The following MUC6 variants were observed in gnomAD, a reference collection of about 807,000 sequenced individuals.
MUC6 encodes the protein mucin 6, oligomeric mucus/gel-forming (gene/pseudogene), also known as mucin-6.
In MUC6, 188 loss-of-function variants were observed where a neutral mutation model predicts 201.5. The ratio of observed to expected loss-of-function variants is 0.93; its 90% CI spans 0.83 to 1.05. The LOEUF (loss-of-function observed/expected upper bound fraction) is 1.05. Among genes scored for constraint, MUC6 ranks in the 50% least tolerant of loss-of-function variants. The pLI, the probability that MUC6 is intolerant of heterozygous loss-of-function variation, is 0.00. For missense variants in MUC6, 2,706 were observed against 3,256.9 expected, an observed-to-expected ratio of 0.83 and a Z score of 4.12; for synonymous variants, 1,228 against 1,389.4, an observed-to-expected ratio of 0.88 and a Z score of 2.58.
intron 31 of MUC6, 118 bp downstream of exon 31, chr11:1,015,644 G>C: frequency 2.8e-6 from 4 of 1,433,600 alleles, no homozygotes; most frequent in Non-Finnish European, 3.7e-6. Context: ...GGAAGGCAGG[G>C]AACAGGCGTG....
At position 1,016,477 on chromosome 11, in the gene MUC6, G is replaced by A; in HGVS notation, c.6324C>T (p.Thr2108=). Residue 2108 remains threonine, a synonymous_variant, in exon 31 of 33, where the codon ACC becomes ACT. Transcript: ENST00000421673. ...SSSRPPSSPI[T]TQLPHLSSAT... is the part of the protein sequence containing the mutation. ...CAGAACTCAAGTGGGGGAGTTGTGTGGTGATAGGTGATGACGGTGGCCTTG... is the reference window on the plus strand; with the variant it reads ...CAGAACTCAAGTGGGGGAGTTGTGTAGTGATAGGTGATGACGGTGGCCTTG... 2 of 1,613,852 alleles carry A rather than the reference G, an allele frequency of 1.2e-6. No homozygotes were observed. The highest frequency in any genetic ancestry group is 2.2e-5 in the South Asian group (2 of 91,070).
chr11:1,034,143 G>A (rs576721768), intron 1 of MUC6, among the ~76,000 whole-genome samples: 1 of 152,296 alleles, frequency 6.6e-6, no homozygotes, highest in Non-Finnish European at 1.5e-5. Context: ...GGAGGAGCCA[G>A]GCTGCCTGCC....
intron 20 of MUC6, 22 bp downstream of exon 20, chr11:1,026,305 C>A: frequency 6.4e-7 from 1 of 1,559,654 alleles, no homozygotes; most frequent in Non-Finnish European, 8.7e-7. Flanking sequence ...CCCAGGGCGT[C>A]TGAAGCGAGG....
At chr11:1,023,743 G>A (rs1161152352) in intron 25 of MUC6, 91 bp from the exon 26 acceptor site, 2 of 1,542,222 alleles carry the variant, frequency 1.3e-6, no homozygotes, top group Non-Finnish European at 1.8e-6. Context: ...TGGAACCTGA[G>A]TGTGGGCGGG....
In MUC6 at chr11:1,016,036, C is replaced by T. The variant is rs746866207; in HGVS notation, c.6765G>A (p.Thr2255=). Residue 2255 remains threonine, a synonymous_variant, in exon 31 of 33, where the codon ACG becomes ACA. Transcript: ENST00000421673. ...TIAFPSTPRT[T]ASTHTAPAFS... ...AGGCAGGGGCGGTGTGGGTGCTGGC[C>T]GTGGTCCTGGGCGTGGACGGAAATG... 2.7e-5 allele frequency: 43 copies of T among 1,609,158 alleles called. No individual in the cohort carries two copies. The East Asian group carries it at 6.3e-4, about 23-fold the overall frequency.
intron 4 of MUC6, 147 bp downstream of exon 4, chr11:1,031,458 CAG>C (rs1256038754): frequency 3.6e-5 from 47 of 1,318,566 alleles, no homozygotes; most frequent in Admixed American, 2.6e-5. Flanking sequence ...TGTTGCTGGT[CAG>C]GGGTCAGCAC....
rs373036328 is a variant in MUC6, at chr11:1,016,104, C to A, written c.6697G>T (p.Val2233Leu). ...SALLPISTVT[V>L]SPTPSSHLAS... ...AGGTGGCTGGATGGGGTGGGAGACA[C>A]GGTAACAGTGGATATGGGGAGTAGA... The change falls in exon 31 of 33, where the codon GTG becomes TTG. Residue 2233 changes from valine (V) to leucine (L), a missense_variant. Physicochemically the swap from Val to Leu is conservative, Grantham distance 32. Coordinates refer to ENST00000421673, the MANE Select transcript of MUC6 (RefSeq NM_005961.3). 42 of 1,612,538 alleles carry A rather than the reference C, an allele frequency of 2.6e-5. No homozygotes were observed. The Middle Eastern group carries it at 6.6e-4, about 25-fold the overall frequency.
chr11:1,033,308 C>T lies in MUC6; in HGVS notation c.53-233G>A. 1 of 577,820 alleles carries T rather than the reference C, an allele frequency of 1.7e-6. No individual in the cohort carries two copies. The highest frequency in any genetic ancestry group is 2.8e-5 in the East Asian group (1 of 35,550). The allele number at this position is 577,820 out of a possible 1,614,324, so 35.8% of individuals were successfully genotyped here. A position where few individuals can be genotyped will look rare whatever the true frequency, so the allele number is the denominator to read the frequency against. ...GCTCTCGTTCACTCCCTCGTTTGTC[C>T]ACTCAGTCCCAGTTCAGCCGTCAGC... On this transcript the variant is annotated intron_variant, in intron 1 of 32. Transcript: ENST00000421673. The surrounding 1 kb of genome is among the most constrained non-coding windows in gnomAD (Gnocchi z 5.6).
At chr11:1,032,639 G>A (rs1450927015) in intron 2 of MUC6, among the ~76,000 whole-genome samples, 1 of 151,270 alleles carries the variant, frequency 6.6e-6, no homozygotes, top group Non-Finnish European at 1.5e-5. Context: ...GTGCATGTTT[G>A]CATGTCTGGG....
At chr11:1,014,876 C>T (rs1856565507) in intron 31 of MUC6, among the ~76,000 whole-genome samples, 2 of 152,194 alleles carry the variant, frequency 1.3e-5, no homozygotes, top group Non-Finnish European at 2.9e-5. Context: ...CCTGCTCCCT[C>T]GCCTCTGCTT....
rs1164908958 is a variant in MUC6 at position 1,033,859 on chromosome 11, C to T, written c.53-784G>A. ...CCCCGATGTCTGAGTGGTGGTGCGG[C>T]ACCTGAGCAGGACCCGTGACCTCTC... On this transcript the variant is annotated intron_variant, in intron 1 of 32. Coordinates refer to ENST00000421673, the MANE Select transcript of MUC6 (RefSeq NM_005961.3). This position sits in a 1 kb window ranked among gnomAD's most constrained non-coding sequence, Gnocchi z 5.6. Among the ~76,000 whole-genome samples the T allele has an allele frequency of 1.3e-5, 2 of 152,062 alleles. No individual in the cohort carries two copies. The highest frequency in any genetic ancestry group is 6.5e-5 in the Admixed American group (1 of 15,278).
chr11:1,034,512 C>G (rs919267047), intron 1 of MUC6, among the ~76,000 whole-genome samples: 2 of 152,206 alleles, frequency 1.3e-5, no homozygotes, highest in Admixed American at 1.3e-4. Flanking sequence ...CGCAGCACAC[C>G]GAACCCTCAG....
Position 1,015,867 on chromosome 11 carries a change from A to T in MUC6, c.6934T>A (p.Leu2312Met), listed in dbSNP as rs2133811841. 1 of 1,607,946 alleles carries T rather than the reference A, an allele frequency of 6.2e-7. No individual in the cohort carries two copies. Among genetic ancestry groups the T allele is most frequent in the East Asian group, 2.2e-5 (1 of 44,778 alleles). The change falls in exon 31 of 33, where the codon TTG becomes ATG. Residue 2312 changes from leucine to methionine, a missense_variant. Leu to Met is a conservative substitution (Grantham distance 15). Coordinates refer to ENST00000421673, the MANE Select transcript of MUC6 (RefSeq NM_005961.3). ...NLTTRHPGPTLSPTTRFLTSS... is the reference protein window; with the variant it reads ...NLTTRHPGPTMSPTTRFLTSS... ...GTCAGGAACCGTGTGGTAGGCGACAAGGTGGGACCAGGGTGCCTGGTGGTA... is the reference window on the plus strand; with the variant it reads ...GTCAGGAACCGTGTGGTAGGCGACATGGTGGGACCAGGGTGCCTGGTGGTA...
In MUC6 at chr11:1,030,956, C is replaced by T. The variant is rs778476012; in HGVS notation, c.675G>A (p.Gln225=). The T allele has an allele frequency of 2.2e-5, 34 of 1,575,310 alleles. No individual in the cohort carries two copies. Among genetic ancestry groups the T allele is most frequent in the Non-Finnish European group, 2.9e-5 (34 of 1,161,072 alleles). The change falls in exon 6 of 33, where the codon CAG becomes CAA. Residue 225 remains glutamine, a synonymous_variant. Coordinates refer to ENST00000421673, the MANE Select transcript of MUC6 (RefSeq NM_005961.3). ...FQDIPSTHVR[Q]AQHARICTQL... The stretch of plus-strand genomic sequence containing the variant: ...GAGCCCCCTTGCTTACGTGCTGGGC[C>T]TGCCGGACGTGGGTGCTGGGGATGT...
Position 1,025,080 on chromosome 11 carries a change from G to A in MUC6, c.2989C>T (p.Pro997Ser), listed in dbSNP as rs1856920542. The change falls in exon 24 of 33, where the codon CCC becomes TCC. Residue 997 changes from proline (P) to serine (S), a missense_variant. By Grantham distance (74) the Pro-to-Ser change is moderately conservative (BLOSUM62 -1). Coordinates refer to ENST00000421673, the MANE Select transcript of MUC6 (RefSeq NM_005961.3). ...LIRIARASQDPLCGLCGNFNG... is the reference protein window; with the variant it reads ...LIRIARASQDSLCGLCGNFNG... ...AAGTTGCCACACAAGCCGCAGAGGG[G>A]ATCCTGCAGACGGTGGCATCAGGCC... 8 of 1,612,902 alleles carry A rather than the reference G, an allele frequency of 5.0e-6. No homozygotes were observed. The highest frequency in any genetic ancestry group is 6.8e-6 in the Non-Finnish European group (8 of 1,179,844).
At chr11:1,019,204 CA>C in intron 30 of MUC6, 70 bp downstream of exon 30, 1 of 1,491,294 alleles carries the variant, frequency 6.7e-7, no homozygotes, top group Non-Finnish European at 9.3e-7. Flanking sequence ...ATGGCTGAAT[CA>C]CTGAATGTGA....
intron 26 of MUC6, among the ~76,000 whole-genome samples, chr11:1,023,045 G>A (rs576001942): frequency 4.6e-4 from 70 of 151,842 alleles, no homozygotes; most frequent in African/African-American, 1.5e-3. Flanking sequence ...GTGAATGTGC[G>A]TGAATGAATG....
Position 1,029,286 on chromosome 11 carries a change from G to A in MUC6, c.1217C>T (p.Thr406Ile), listed in dbSNP as rs1857044608. 5.0e-6 allele frequency: 8 copies of A among 1,607,072 alleles called. No homozygotes were observed. The highest frequency in any genetic ancestry group is 6.8e-6 in the Non-Finnish European group (8 of 1,177,724). ...HCSLEGGSFVTTFDARPYRFH... is the reference protein window; with the variant it reads ...HCSLEGGSFVITFDARPYRFH... ...GCGGTAGGGCCTGGCGTCAAATGTG[G>A]TAACAAAGGAGCCACCTTCCAGGGA... is the stretch of plus-strand genomic sequence containing the variant. The change falls in exon 10 of 33, where the codon ACC becomes ATC. Residue 406 changes from threonine (T) to isoleucine (I), a missense_variant. Coordinates refer to ENST00000421673, the MANE Select transcript of MUC6 (RefSeq NM_005961.3).
chr11:1,020,402 A>G, intron 28 of MUC6, 145 bp from the exon 29 acceptor site: 1 of 1,180,482 alleles, frequency 8.5e-7, no homozygotes, highest in East Asian at 2.5e-5. Flanking sequence ...TGGCACTCTG[A>G]GTGCAGCCTG....
Sources: allele counts gnomAD v4.1 joint callset (sites outside exome capture counted in the v4.1 genomes callset), GRCh38; gene constraint gnomAD v4.1.1; non-coding constraint Gnocchi (gnomAD v3.1); transcripts MANE v1.5; gene names NCBI Gene and HGNC (gene_info 2026-07-23, HGNC 2026-07-21).